Variants in MDN1 observed in about 807,000 individuals in gnomAD.
MDN1 encodes the protein midasin AAA ATPase 1.
A neutral mutation model predicts 669.2 loss-of-function variants in MDN1; 266 were observed. The observed-to-expected ratio is 0.40, with a 90% CI of 0.36 to 0.44. The LOEUF (loss-of-function observed/expected upper bound fraction) is 0.44. Ranked by LOEUF, MDN1 falls within the 20% of genes least tolerant of loss-of-function variation. The pLI, the probability that MDN1 is intolerant of heterozygous loss-of-function variation, is 1.00. For missense variants in MDN1, 5,940 were observed against 6,754.0 expected (o/e 0.88, Z 4.22); for synonymous variants, 2,385 against 2,457.1 (o/e 0.97, Z 0.87).
intron 100 of MDN1, 105 bp downstream of exon 100, chr6:89,646,431 GCATA>G: frequency 1.2e-6 from 1 of 855,612 alleles, no homozygotes; most frequent in Non-Finnish European, 1.9e-6. Context: ...TTCCTGTGGA[GCATA>G]CCTATTAAAA....
In MDN1 at chr6:89,674,399, G is replaced by A; in HGVS notation, c.12952C>T (p.Pro4318Ser). The A allele has an allele frequency of 1.2e-6, 2 of 1,614,186 alleles. No individual in the cohort carries two copies. The highest frequency in any genetic ancestry group is 1.7e-6 in the Non-Finnish European group (2 of 1,180,026). The change falls in exon 79 of 102, where the codon CCA (proline) becomes TCA (serine). Residue 4318 changes from proline to serine, a missense_variant. By Grantham distance (74) the Pro-to-Ser change is moderately conservative (BLOSUM62 -1). Transcript: ENST00000369393. ...LQCCPSVGPAPGHGNVQVLGQ... is the reference protein window; with the variant it reads ...LQCCPSVGPASGHGNVQVLGQ... ...AGTACCTGGACATTGCCATGGCCTGGAGCTGGCCCTACACTGGGGCAGCAC... is the reference window on the plus strand; with the variant it reads ...AGTACCTGGACATTGCCATGGCCTGAAGCTGGCCCTACACTGGGGCAGCAC...
chr6:89,678,705 C>T lies in MDN1; in HGVS notation c.12306G>A (p.Lys4102=). The change falls in exon 75 of 102, where the codon AAG becomes AAA. Residue 4102 remains lysine, a synonymous_variant. Transcript: ENST00000369393. ...TCTCCTTCTCTGCAGAGGGTTCCAC[C>T]TTTAAGCTCTGCAGCTCACTCACAG... ...ISSVSELQSL[K]VEPSAEKEKQ... 2 of 1,613,974 alleles carry T rather than the reference C, an allele frequency of 1.2e-6. No individual in the cohort carries two copies. The highest frequency in any genetic ancestry group is 1.7e-6 in the Non-Finnish European group (2 of 1,179,900).
Position 89,819,498 on chromosome 6 carries a change from C to T in MDN1, c.102+8G>A, listed in dbSNP as rs778074761. The T allele has an allele frequency of 4.4e-6, 7 of 1,605,018 alleles. No homozygotes were observed. The highest frequency in any genetic ancestry group is 5.9e-6 in the Non-Finnish European group (7 of 1,179,604). The stretch of plus-strand genomic sequence containing the variant: ...TTCCGGCGCTTTCCCTCTCCCTTCA[C>T]GTCTTACCTGCTTGGCCAAGAACCT... On this transcript the variant is annotated splice_region_variant and intron_variant, in intron 1 of 101. Coordinates refer to ENST00000369393, the MANE Select transcript of MDN1 (RefSeq NM_014611.3).
In MDN1 at chr6:89,723,541, C is replaced by T; in HGVS notation, c.5749G>A (p.Val1917Ile). 6.3e-7 allele frequency: 1 copy of T among 1,591,306 alleles called. No homozygotes were observed. The highest frequency in any genetic ancestry group is 1.1e-5 in the South Asian group (1 of 89,002). ...TTATTGAAAGCAACCATTTTCTTAACAATATTTTTCTCAATGGCTGGAAAC... is the reference window on the plus strand; with the variant it reads ...TTATTGAAAGCAACCATTTTCTTAATAATATTTTTCTCAATGGCTGGAAAC... ...TLFPAIEKNI[V>I]KKMVAFNNQI... is the part of the protein sequence containing the mutation. Residue 1917 changes from valine (V) to isoleucine (I), a missense_variant, in exon 39 of 102, where the codon GTT becomes ATT. Val to Ile is a conservative substitution (Grantham distance 29). Coordinates refer to ENST00000369393, the MANE Select transcript of MDN1 (RefSeq NM_014611.3).
At chr6:89,687,185 A>T (rs1562089844) in intron 68 of MDN1, among the ~76,000 whole-genome samples, 159 bp downstream of exon 68, 1 of 152,182 alleles carries the variant, frequency 6.6e-6, no homozygotes, top group East Asian at 1.9e-4. Flanking sequence ...TCTGGACTGT[A>T]TTCAGGTCAT....
At chr6:89,783,005 C>G (rs374846832) in intron 9 of MDN1, among the ~76,000 whole-genome samples, 8 of 152,292 alleles carry the variant, frequency 5.3e-5, no homozygotes, top group Admixed American at 3.3e-4. Context: ...ACTGTGACAA[C>G]TGTGTTAACT....
intron 34 of MDN1, among the ~76,000 whole-genome samples, chr6:89,731,363 G>A (rs774668593): frequency 5.9e-5 from 9 of 152,024 alleles, no homozygotes; most frequent in East Asian, 1.9e-4. Context: ...GAACCAACCC[G>A]AATGTCCATC....
At chr6:89,766,561 T>C (rs1017330267) in intron 15 of MDN1, among the ~76,000 whole-genome samples, 3 of 152,166 alleles carry the variant, frequency 2.0e-5, no homozygotes, top group African/African-American at 4.8e-5. Flanking sequence ...GAAAGGCACC[T>C]TGGGAGCCAC....
intron 11 of MDN1, 60 bp downstream of exon 11, chr6:89,780,152 C>G: frequency 2.2e-6 from 2 of 892,444 alleles, no homozygotes; most frequent in Non-Finnish European, 3.4e-6. Flanking sequence ...CAGAAAATAA[C>G]AACGGAAGTC....
chr6:89,706,226 C>T, intron 52 of MDN1, 34 bp from the exon 53 acceptor site: 1 of 1,588,834 alleles, frequency 6.3e-7, no homozygotes, highest in Non-Finnish European at 8.6e-7. Flanking sequence ...GAGAACATTT[C>T]ATCAGATTTA....
intron 70 of MDN1, among the ~76,000 whole-genome samples, chr6:89,685,464 T>C (rs554811635): frequency 1.3e-5 from 2 of 152,254 alleles, no homozygotes; most frequent in Admixed American, 6.5e-5. Flanking sequence ...ATGCAGTTCC[T>C]TGATGGCTGG....
At chr6:89,686,797 A>G in intron 69 of MDN1, 105 bp downstream of exon 69, 2 of 1,451,222 alleles carry the variant, frequency 1.4e-6, no homozygotes, top group Non-Finnish European at 1.9e-6. Flanking sequence ...ATTCCCATGA[A>G]AGCCATGTAG....
chr6:89,791,400 T>C (rs570015524), intron 5 of MDN1, among the ~76,000 whole-genome samples: 4 of 152,192 alleles, frequency 2.6e-5, no homozygotes, highest in Non-Finnish European at 5.9e-5. Context: ...TTTTAAAGTT[T>C]GCCTCCTTTA....
chr6:89,649,838 A>G (rs1221383576), intron 97 of MDN1, among the ~76,000 whole-genome samples, 186 bp downstream of exon 97: 2 of 152,244 alleles, frequency 1.3e-5, no homozygotes, highest in Non-Finnish European at 2.9e-5. Flanking sequence ...TGAACTCTTT[A>G]AATCTTAGGT....
At chr6:89,689,576 A>G (rs1812243512) in intron 65 of MDN1, among the ~76,000 whole-genome samples, 1 of 152,218 alleles carries the variant, frequency 6.6e-6, no homozygotes, top group Non-Finnish European at 1.5e-5. Flanking sequence ...ACATACACGT[A>G]CACATTTAAA....
rs779808254 is a variant in MDN1 at position 89,701,904 on chromosome 6, T to C, written c.8306A>G (p.Lys2769Arg). The C allele has an allele frequency of 6.8e-6, 11 of 1,610,120 alleles. No individual in the cohort carries two copies. The South Asian group carries it at 8.9e-5, about 13-fold the overall frequency. The change falls in exon 54 of 102, where the codon AAA (lysine) becomes AGA (arginine). Residue 2769 changes from lysine (K) to arginine (R), a missense_variant and splice_region_variant. By Grantham distance (26) the Lys-to-Arg change is conservative. Coordinates refer to ENST00000369393, the MANE Select transcript of MDN1 (RefSeq NM_014611.3). ...IPRLLMNYED[K>R]YYKEVQTVSE... ...TTATTACTCTAAATATGAATCTTAC[T>C]TGTCTTCATAATTCATCAGAAGTCG... is the stretch of plus-strand genomic sequence containing the variant.
intron 38 of MDN1, among the ~76,000 whole-genome samples, chr6:89,723,964 G>A (rs1489217806): frequency 6.6e-6 from 1 of 152,014 alleles, no homozygotes; most frequent in Non-Finnish European, 1.5e-5. Context: ...CCAGCATGAC[G>A]AAACCCTGTC....
chr6:89,730,760 G>A lies in MDN1; in HGVS notation c.5106C>T (p.Asn1702=). 6.2e-7 allele frequency: 1 copy of A among 1,613,910 alleles called. No individual in the cohort carries two copies. The highest frequency in any genetic ancestry group is 8.5e-7 in the Non-Finnish European group (1 of 1,179,914). The change falls in exon 35 of 102, where the codon AAC becomes AAT. Residue 1702 remains asparagine, a synonymous_variant. Coordinates refer to ENST00000369393, the MANE Select transcript of MDN1 (RefSeq NM_014611.3). ...TAAAAAATGGATGAATTCCCCAAAG[G>A]TTATCTATTCCAGTGAATTCTTTGG... ...MKAKEFTGID[N]LWGIHPFFIP...
chr6:89,685,714 T>C, intron 70 of MDN1, 113 bp downstream of exon 70: 5 of 1,121,810 alleles, frequency 4.5e-6, no homozygotes, highest in Non-Finnish European at 6.2e-6. Context: ...CATAACTAAA[T>C]GTGTCTTGTT....
Sources: gnomAD v4.1 joint callset for allele counts (sites outside exome capture counted in the v4.1 genomes callset) on GRCh38, gnomAD v4.1.1 for gene constraint, MANE v1.5 for transcripts, NCBI Gene and HGNC (gene_info 2026-07-23, HGNC 2026-07-21) for gene names.